Variants in SORL1 observed in about 807,000 individuals in gnomAD.
SORL1 encodes sortilin related receptor 1.
Under a neutral mutation model 273.7 loss-of-function variants are expected in SORL1, and 127 were observed. The observed-to-expected ratio is 0.46, with a 90% CI of 0.40 to 0.54. The LOEUF (loss-of-function observed/expected upper bound fraction) is 0.54. Among genes scored for constraint, SORL1 ranks in the 20% least tolerant of loss-of-function variants. The pLI is 0.00. For synonymous variants in SORL1, 1,031 were observed against 1,067.4 expected (o/e 0.97, Z 0.66); for missense variants, 2,494 against 2,846.1 (o/e 0.88, Z 2.81).
chr11:121,514,099 C>A (rs929743007), intron 7 of SORL1, 53 bp from the exon 8 acceptor site: 80 of 1,574,718 alleles, frequency 5.1e-5, no homozygotes, highest in Middle Eastern at 1.7e-4. Context: ...TAGTAAAAGC[C>A]CACAGGGCAC....
chr11:121,492,718 A>G (rs558148628), intron 5 of SORL1, among the ~76,000 whole-genome samples: 24 of 152,180 alleles, frequency 1.6e-4, no homozygotes, highest in Non-Finnish European at 2.9e-4. Context: ...TCCACAGCCA[A>G]TGTGTTAGGG....
intron 8 of SORL1, 22 bp downstream of exon 8, chr11:121,514,343 C>T (rs1425422746): frequency 1.4e-5 from 22 of 1,597,408 alleles, no homozygotes; most frequent in Non-Finnish European, 1.5e-5. Context: ...GTGAGTCCTT[C>T]TCCTGCCTTC....
At position 121,529,508 on chromosome 11, in the gene SORL1, C is replaced by T. The variant is rs189016940; in HGVS notation, c.1597-2956C>T. On this transcript the variant is annotated intron_variant, in intron 11 of 47. Coordinates refer to ENST00000260197, the MANE Select transcript of SORL1 (RefSeq NM_003105.6). ...CTGGGGTTACAGGTGTGAGATACCA[C>T]GCCCAGCCCTGGATAGTACATCTTT... Among the ~76,000 whole-genome samples, 249 of 152,292 alleles carry T rather than the reference C, an allele frequency of 1.6e-3. 1 individual carries two copies. Among genetic ancestry groups the T allele is most frequent in the South Asian group, 0.011 (54 of 4,828 alleles).
At chr11:121,576,710 C>T (rs1862935954) in intron 24 of SORL1, 2 of 1,426,704 alleles carry the variant, frequency 1.4e-6, no homozygotes, top group East Asian at 5.0e-5. Flanking sequence ...TTACCAGGCC[C>T]CCACCCTTCT....
At chr11:121,487,571 A>G (rs569217370) in intron 3 of SORL1, among the ~76,000 whole-genome samples, 27 of 152,190 alleles carry the variant, frequency 1.8e-4, no homozygotes, top group Non-Finnish European at 3.4e-4. Context: ...CTTTTCCTGG[A>G]AAGCCATGTC....
chr11:121,457,342 A>C (rs1307714353), intron 1 of SORL1, among the ~76,000 whole-genome samples: 1 of 152,188 alleles, frequency 6.6e-6, no homozygotes, highest in African/African-American at 2.4e-5. Context: ...TGTGGTAACA[A>C]ATTTCCTTCC....
intron 6 of SORL1, among the ~76,000 whole-genome samples, chr11:121,503,600 G>T (rs1014650840): frequency 4.6e-5 from 7 of 152,076 alleles, no homozygotes; most frequent in Admixed American, 3.3e-4. Context: ...AGGTCCTCCT[G>T]CCCCAGCCTC....
At chr11:121,538,219 CCA>C (rs1188192157) in intron 12 of SORL1, among the ~76,000 whole-genome samples, 1 of 149,588 alleles carries the variant, frequency 6.7e-6, no homozygotes, top group African/African-American at 2.5e-5. Context: ...CATTTGCATA[CCA>C]CAGGATGCTC....
At chr11:121,582,884 C>T (rs149088597) in intron 25 of SORL1, among the ~76,000 whole-genome samples, 137 of 152,180 alleles carry the variant, frequency 9.0e-4, no homozygotes, top group African/African-American at 2.8e-3. Context: ...AATGTATGGC[C>T]TTCCAGAACT....
At position 121,619,875 on chromosome 11, in the gene SORL1, C is replaced by T. The variant is rs755175610; in HGVS notation, c.5847C>T (p.Val1949=). 4 of 1,613,826 alleles carry T rather than the reference C, an allele frequency of 2.5e-6. No homozygotes were observed. In the Admixed American group the frequency reaches 5.0e-5, roughly 20 times the overall value. ...HVVHTGKTSV[V]IKWESPYDSP... ...TTCATACGGGCAAAACCTCCGTGGTCATCAAGTGGGAATCACCGTATGACT... is the reference window on the plus strand; with the variant it reads ...TTCATACGGGCAAAACCTCCGTGGTTATCAAGTGGGAATCACCGTATGACT... The change falls in exon 43 of 48, where the codon GTC becomes GTT. Residue 1949 remains valine, a synonymous_variant. Coordinates refer to ENST00000260197, the MANE Select transcript of SORL1 (RefSeq NM_003105.6).
At position 121,558,725 on chromosome 11, in the gene SORL1, T is replaced by C. The variant is rs1336997538; in HGVS notation, c.2798T>C (p.Ile933Thr). ...GGCATCTCTGTGGACGACCAGTGGA[T>C]TTACTGGACGGATGCCTACCTGGAG... Reference protein sequence around the residue: ...PNGISVDDQWIYWTDAYLECI... With the variant: ...PNGISVDDQWTYWTDAYLECI... Residue 933 changes from isoleucine to threonine, a missense_variant, in exon 20 of 48, where the codon ATT becomes ACT. Transcript: ENST00000260197. The C allele has an allele frequency of 1.9e-6, 3 of 1,614,110 alleles. No individual in the cohort carries two copies. The highest frequency in any genetic ancestry group is 2.5e-6 in the Non-Finnish European group (3 of 1,180,010).
At chr11:121,617,948 C>T (rs1025012463) in intron 41 of SORL1, among the ~76,000 whole-genome samples, 4 of 152,148 alleles carry the variant, frequency 2.6e-5, no homozygotes, top group African/African-American at 9.7e-5. Context: ...CGTGGCAGCA[C>T]GATTTGATTG....
At chr11:121,581,073 T>A (rs1430986796) in intron 25 of SORL1, among the ~76,000 whole-genome samples, 1 of 152,080 alleles carries the variant, frequency 6.6e-6, no homozygotes, top group African/African-American at 2.4e-5. Flanking sequence ...CCAGCAGGCC[T>A]GGCTAGTTTT....
Position 121,487,914 on chromosome 11 carries a change from G to T in SORL1, c.529-118G>T. 4 of 1,020,022 alleles carry T rather than the reference G, an allele frequency of 3.9e-6. No individual in the cohort carries two copies. The South Asian group carries it at 6.3e-5, about 16-fold the overall frequency. 63.2% of individuals were successfully genotyped at this position (1,020,022 alleles called of 1,614,324 possible). ...AAGCCCTGTAAGGCTGTGGTGCCTT[G>T]TTGGTGCCAGCTGGCCCCTGCACAT... is the stretch of plus-strand genomic sequence containing the variant. On this transcript the variant is annotated intron_variant, in intron 3 of 47. Transcript: ENST00000260197.
At chr11:121,499,965 T>C (rs970314160) in intron 6 of SORL1, among the ~76,000 whole-genome samples, 3 of 152,262 alleles carry the variant, frequency 2.0e-5, no homozygotes, top group African/African-American at 7.2e-5. Flanking sequence ...GGACTGGAGC[T>C]GGTGTCCAGG....
chr11:121,615,406 A>G (rs1863625960), intron 41 of SORL1, among the ~76,000 whole-genome samples: 1 of 152,206 alleles, frequency 6.6e-6, no homozygotes, highest in Admixed American at 6.5e-5. Context: ...CTTGCTATGC[A>G]AGAAAATCCT....
At chr11:121,464,658 T>C (rs377040539) in intron 1 of SORL1, among the ~76,000 whole-genome samples, 3 of 152,176 alleles carry the variant, frequency 2.0e-5, no homozygotes, top group African/African-American at 7.2e-5. Context: ...TGGGGTGATA[T>C]GGACTTGTTC....
At chr11:121,561,863 A>G (rs1862681321) in intron 21 of SORL1, among the ~76,000 whole-genome samples, 1 of 151,916 alleles carries the variant, frequency 6.6e-6, no homozygotes, top group Non-Finnish European at 1.5e-5. Flanking sequence ...TGTGAGCAGG[A>G]TACTTCCAGG....
At chr11:121,589,977 G>T (rs1262623046) in intron 29 of SORL1, 63 bp from the exon 30 acceptor site, 3 of 1,582,758 alleles carry the variant, frequency 1.9e-6, no homozygotes, top group Non-Finnish European at 2.6e-6. Flanking sequence ...GATGCCTAGA[G>T]TTGGAGCCCT....
Sources: allele counts gnomAD v4.1 joint callset (sites outside exome capture counted in the v4.1 genomes callset), GRCh38; gene constraint gnomAD v4.1.1; transcripts MANE v1.5; gene names NCBI Gene and HGNC (gene_info 2026-07-23, HGNC 2026-07-21).